TMEM120B: variants seen among roughly 807,000 people sequenced by gnomAD.
TMEM120B encodes the protein transmembrane protein 120B.
A neutral mutation model predicts 55.5 loss-of-function variants in TMEM120B; 31 were observed. The observed-to-expected ratio is 0.56, with a 90% CI of 0.42 to 0.75. The LOEUF is 0.75. Ranked by LOEUF, TMEM120B falls within the 30% of genes least tolerant of loss-of-function variation. The probability of loss-of-function intolerance (pLI) is 0.00; values close to 1 mark genes in which losing one functional copy is unlikely to be tolerated. For missense variants in TMEM120B, 399 were observed against 425.5 expected (o/e 0.94, Z 0.55); for synonymous variants, 203 against 176.3 (o/e 1.15, Z -1.20).
chr12:121,775,216 G>A lies in TMEM120B; in HGVS notation c.906+86G>A. 4 of 1,338,608 alleles carry A rather than the reference G, an allele frequency of 3.0e-6. No individual in the cohort carries two copies. In the South Asian group the frequency reaches 5.1e-5, roughly 17 times the overall value. 82.9% of individuals were successfully genotyped at this position (1,338,608 alleles called of 1,614,324 possible). On this transcript the variant is annotated intron_variant, in intron 11 of 11. Transcript: ENST00000449592. The surrounding 1 kb of genome is among the most constrained non-coding windows in gnomAD (Gnocchi z 4.3). ...GGGTGTATGTGTGGCATGCTGGGGT[G>A]CGGATTCCTGGGGAGGGCTGGGATG...
In TMEM120B at chr12:121,770,936, A is replaced by G. The variant is rs1299075952; in HGVS notation, c.581A>G (p.Tyr194Cys). The G allele has an allele frequency of 1.2e-6, 2 of 1,613,930 alleles. No homozygotes were observed. The highest frequency in any genetic ancestry group is 8.5e-7 in the Non-Finnish European group (1 of 1,179,954). The stretch of plus-strand genomic sequence containing the variant: ...AAAGGCTGGTGGGTGTCTCACCACT[A>G]CGTCTCCACATTCCTGTCCGGAGTG... Reference protein sequence around the residue: ...RIKGWWVSHHYVSTFLSGVML... With the variant: ...RIKGWWVSHHCVSTFLSGVML... Residue 194 changes from tyrosine (Y) to cysteine (C), a missense_variant, in exon 7 of 12, where the codon TAC becomes TGC. Physicochemically the swap from Tyr to Cys is radical, Grantham distance 194. Around this residue, in one of 3 missense-constraint regions of TMEM120B, gnomAD observed 260 missense variants for 303.9 expected, o/e 0.86. Coordinates refer to ENST00000449592, the MANE Select transcript of TMEM120B (RefSeq NM_001080825.2).
intron 5 of TMEM120B, chr12:121,759,117 C>A: frequency 7.2e-5 from 47 of 650,766 alleles, no homozygotes; most frequent in Non-Finnish European, 8.2e-5. Context: ...CATAGAGTGT[C>A]TACTGTTTTT....
intron 5 of TMEM120B, among the ~76,000 whole-genome samples, chr12:121,755,121 G>A (rs1191142921): frequency 6.6e-6 from 1 of 152,226 alleles, no homozygotes; most frequent in African/African-American, 2.4e-5. Flanking sequence ...CAGCTTCATA[G>A]CTAGTGCGTC....
intron 6 of TMEM120B, among the ~76,000 whole-genome samples, chr12:121,766,134 G>T (rs1471613919): frequency 6.6e-6 from 1 of 152,104 alleles, no homozygotes; most frequent in Non-Finnish European, 1.5e-5. Flanking sequence ...TCTGATGGAG[G>T]CGCTTTTGTC....
intron 7 of TMEM120B, 145 bp downstream of exon 7, chr12:121,771,117 C>T (rs952954003): frequency 1.7e-5 from 15 of 889,040 alleles, no homozygotes; most frequent in Admixed American, 6.4e-5. Context: ...GCAGCTGCGC[C>T]GGGCTGCGCG....
intron 3 of TMEM120B, among the ~76,000 whole-genome samples, chr12:121,749,956 G>T (rs1873223368): frequency 6.7e-6 from 1 of 150,038 alleles, no homozygotes; most frequent in Admixed American, 6.6e-5. Context: ...TCATACCATT[G>T]CACTCTAGCC....
At chr12:121,743,804 CA>C in intron 2 of TMEM120B, 57 bp downstream of exon 2, 1 of 1,247,878 alleles carries the variant, frequency 8.0e-7, no homozygotes, top group South Asian at 1.2e-5. Context: ...AAGTCCAACT[CA>C]AAACAGGCTG....
intron 2 of TMEM120B, among the ~76,000 whole-genome samples, chr12:121,746,478 C>G (rs919966139): frequency 9.9e-5 from 15 of 152,234 alleles, no homozygotes; most frequent in African/African-American, 3.4e-4. Context: ...TGAGCCACTG[C>G]ACCCGGCCTT....
At chr12:121,726,022 C>T (rs1479667227) in intron 1 of TMEM120B, among the ~76,000 whole-genome samples, 6 of 119,344 alleles carry the variant, frequency 5.0e-5, no homozygotes, top group Non-Finnish European at 6.7e-5. Context: ...GGGCAACAAG[C>T]GAGACTCTGT....
intron 5 of TMEM120B, among the ~76,000 whole-genome samples, chr12:121,759,292 C>T (rs1202573465): frequency 2.0e-5 from 3 of 152,096 alleles, no homozygotes; most frequent in East Asian, 1.9e-4. Flanking sequence ...GGGTCTGCAG[C>T]GACCTCCATT....
intron 5 of TMEM120B, among the ~76,000 whole-genome samples, chr12:121,757,228 C>G (rs1873505832): frequency 1.3e-5 from 2 of 151,852 alleles, no homozygotes; most frequent in East Asian, 3.9e-4. Flanking sequence ...GTGGTGTGAT[C>G]TCAGCTCACT....
chr12:121,732,839 C>T (rs765406586), intron 1 of TMEM120B, among the ~76,000 whole-genome samples: 1 of 151,894 alleles, frequency 6.6e-6, no homozygotes, highest in African/African-American at 2.4e-5. Context: ...ATTAGCCGGG[C>T]GTGGTGGCAC....
chr12:121,733,646 T>C (rs1895046372), intron 1 of TMEM120B, among the ~76,000 whole-genome samples: 1 of 151,868 alleles, frequency 6.6e-6, no homozygotes, highest in Non-Finnish European at 1.5e-5. Context: ...CAAGCAACTC[T>C]CATGCCTCAG....
chr12:121,750,728 CA>C, intron 4 of TMEM120B, among the ~76,000 whole-genome samples: 1 of 142,318 alleles, frequency 7.0e-6, no homozygotes, highest in African/African-American at 2.6e-5. Flanking sequence ...CCACACCCTA[CA>C]CCCACACCCC....
At position 121,758,698 on chromosome 12, in the gene TMEM120B, T is replaced by C. The variant is rs1426226501; in HGVS notation, c.462-2951T>C. 17 of 969,450 alleles carry C rather than the reference T, an allele frequency of 1.8e-5. No homozygotes were observed. The Admixed American group carries it at 2.7e-4, about 16-fold the overall frequency. The allele number at this position is 969,450 out of a possible 1,614,324, so 60.1% of individuals were successfully genotyped here. A position where few individuals can be genotyped will look rare whatever the true frequency, so the allele number is the denominator to read the frequency against. ...AGGATGGCCTAGCTCCACGCTGTGG[T>C]CACCATGGAGGAGGACGGCCCAGCT... On this transcript the variant is annotated intron_variant, in intron 5 of 11. Coordinates refer to ENST00000449592, the MANE Select transcript of TMEM120B (RefSeq NM_001080825.2).
In TMEM120B at chr12:121,731,317, T is replaced by C. The variant is rs186350838; in HGVS notation, c.70-12312T>C. ...CCCAGGCTGGAGTGCAGTGGTGCGA[T>C]CTAGGCTCACTGCAACGTCTGCCTC... On this transcript the variant is annotated intron_variant, in intron 1 of 11. Transcript: ENST00000449592. Among the ~76,000 whole-genome samples, 26 of 152,274 alleles carry C rather than the reference T, an allele frequency of 1.7e-4. 1 individual carries two copies. The East Asian group carries it at 4.6e-3, about 27-fold the overall frequency.
intron 1 of TMEM120B, among the ~76,000 whole-genome samples, chr12:121,734,668 C>G (rs1566510608): frequency 6.6e-6 from 1 of 152,018 alleles, no homozygotes; most frequent in African/African-American, 2.4e-5. Flanking sequence ...AATCCCAGCA[C>G]TTTGCGAGGC....
intron 5 of TMEM120B, among the ~76,000 whole-genome samples, chr12:121,752,453 A>C: frequency 6.6e-6 from 1 of 152,136 alleles, no homozygotes; most frequent in East Asian, 1.9e-4. Flanking sequence ...GTACTGTACT[A>C]GTTAAGAAGG....
Position 121,752,128 on chromosome 12 carries a change from G to A in TMEM120B, c.366G>A (p.Lys122=). 6.2e-7 allele frequency: 1 copy of A among 1,613,174 alleles called. No individual in the cohort carries two copies. Among genetic ancestry groups the A allele is most frequent in the Non-Finnish European group, 8.5e-7 (1 of 1,179,700 alleles). The part of the protein sequence containing the change: ...VNVTLLSNQA[K]FAYKDEYEKF... ...CCCCTGGGCGTGTCTGTCGTGGCAG[G>A]TTCGCCTACAAGGACGAATATGAGA... Residue 122 remains lysine (K), a splice_region_variant and synonymous_variant, in exon 5 of 12, where the codon AAG becomes AAA. Transcript: ENST00000449592.
Sources: allele counts gnomAD v4.1 joint callset (sites outside exome capture counted in the v4.1 genomes callset), GRCh38; gene constraint gnomAD v4.1.1; regional missense constraint gnomAD v4.1.1; non-coding constraint Gnocchi (gnomAD v3.1); transcripts MANE v1.5; gene names NCBI Gene and HGNC (gene_info 2026-07-23, HGNC 2026-07-21).